FBLN2: variants seen among roughly 807,000 people sequenced by gnomAD.
FBLN2 encodes the protein fibulin-2.
In FBLN2, 81 loss-of-function variants were observed where a neutral mutation model predicts 123.7. The observed-to-expected ratio is 0.65, with a 90% CI of 0.55 to 0.79. The LOEUF (loss-of-function observed/expected upper bound fraction) is 0.79. Among genes scored for constraint, FBLN2 ranks in the 30% least tolerant of loss-of-function variants. The pLI is 0.00. For synonymous variants in FBLN2, 699 were observed against 701.4 expected (o/e 1.00, Z 0.05); for missense variants, 1,603 against 1,681.3 (o/e 0.95, Z 0.81).
At chr3:13,611,619 T>G (rs1705394390) in intron 4 of FBLN2, among the ~76,000 whole-genome samples, 2 of 152,224 alleles carry the variant, frequency 1.3e-5, no homozygotes, top group African/African-American at 4.8e-5. Flanking sequence ...TTCCTTCCTT[T>G]CTGAGGTGCA....
At chr3:13,618,616 G>A (rs1705718880) in intron 6 of FBLN2, among the ~76,000 whole-genome samples, 1 of 152,224 alleles carries the variant, frequency 6.6e-6, no homozygotes, top group South Asian at 2.1e-4. Flanking sequence ...TTTCCTCCCA[G>A]TCACTGGTCC....
intron 2 of FBLN2, among the ~76,000 whole-genome samples, chr3:13,596,493 T>G (rs1261441937): frequency 6.6e-6 from 1 of 152,254 alleles, no homozygotes; most frequent in Non-Finnish European, 1.5e-5. Context: ...ATCAGCAGAT[T>G]AGATCCCTAC....
At chr3:13,580,037 G>A (rs559914761) in intron 2 of FBLN2, among the ~76,000 whole-genome samples, 3 of 152,256 alleles carry the variant, frequency 2.0e-5, no homozygotes, top group Admixed American at 6.5e-5. Context: ...ATGAATGACC[G>A]TGCCATTGCG....
At chr3:13,559,484 C>A (rs2125034729) in intron 1 of FBLN2, among the ~76,000 whole-genome samples, 1 of 152,236 alleles carries the variant, frequency 6.6e-6, no homozygotes, top group Non-Finnish European at 1.5e-5. Context: ...AGCTGTTTGC[C>A]CAGTGTTTTA....
At chr3:13,599,622 G>C (rs539987254) in intron 2 of FBLN2, among the ~76,000 whole-genome samples, 77 of 152,232 alleles carry the variant, frequency 5.1e-4, no homozygotes, top group Middle Eastern at 3.4e-3. Flanking sequence ...GAGGGCAGGA[G>C]GGGGTGGTGG....
rs540413535 is a variant in FBLN2 at position 13,591,237 on chromosome 3, T to C, written c.1307-16825T>C. On this transcript the variant is annotated intron_variant, in intron 2 of 17. Transcript: ENST00000404922. Reference sequence around the variant, plus strand: ...TTTAAAATTAAGTTTCTTTGTCTTATTGATTCATAGGGGTTTTAAAAATAT... The same window carrying C: ...TTTAAAATTAAGTTTCTTTGTCTTACTGATTCATAGGGGTTTTAAAAATAT... Among the ~76,000 whole-genome samples the C allele has an allele frequency of 4.6e-5, 7 of 152,394 alleles. No homozygotes were observed. The South Asian group carries it at 1.4e-3, about 32-fold the overall frequency.
At chr3:13,549,555 C>T (rs1703267558) in intron 1 of FBLN2, among the ~76,000 whole-genome samples, 1 of 151,836 alleles carries the variant, frequency 6.6e-6, no homozygotes, top group Non-Finnish European at 1.5e-5. Flanking sequence ...ACCAGTCATC[C>T]CCTCTGGTCC....
chr3:13,616,403 A>G (rs1705605264), intron 5 of FBLN2, among the ~76,000 whole-genome samples: 1 of 152,242 alleles, frequency 6.6e-6, no homozygotes, highest in Non-Finnish European at 1.5e-5. Context: ...GGGTGAGCTG[A>G]GCCTGAATCC....
rs775241704 is a variant in FBLN2 at position 13,571,150 on chromosome 3, A to C, written c.795A>C (p.Pro265=). The C allele has an allele frequency of 3.9e-6, 6 of 1,555,760 alleles. No homozygotes were observed. The highest frequency in any genetic ancestry group is 4.8e-5 in the East Asian group (2 of 41,248). ...CTGCTGCCCTGGGTCCCCCAGCCCC[A>C]GTGCAGGCCAAAGCTAGGAGAGTGA... ...TAAAALGPPA[P]VQAKARRVTE... The change falls in exon 2 of 18, where the codon CCA becomes CCC. Residue 265 remains proline (P), a synonymous_variant. Coordinates refer to ENST00000404922, the MANE Select transcript of FBLN2 (RefSeq NM_001004019.2).
chr3:13,590,480 G>A (rs561013368), intron 2 of FBLN2, among the ~76,000 whole-genome samples: 66 of 152,046 alleles, frequency 4.3e-4, no homozygotes, highest in African/African-American at 1.5e-3. Flanking sequence ...TGCCCACCAC[G>A]ATGCCTGGCT....
chr3:13,586,664 ATT>A (rs539204519), intron 2 of FBLN2, among the ~76,000 whole-genome samples: 136 of 124,790 alleles, frequency 1.1e-3, no homozygotes, highest in Non-Finnish European at 1.5e-3. Context: ...TGCCCAGCTA[ATT>A]TTTTTTTTTT....
chr3:13,579,267 T>C (rs1704245857), intron 2 of FBLN2, among the ~76,000 whole-genome samples: 1 of 152,210 alleles, frequency 6.6e-6, no homozygotes, highest in East Asian at 1.9e-4. Flanking sequence ...CTCTAGAAAC[T>C]TCTAGAATAC....
intron 2 of FBLN2, among the ~76,000 whole-genome samples, chr3:13,574,129 G>A (rs766266845): frequency 8.5e-5 from 13 of 152,172 alleles, no homozygotes; most frequent in Non-Finnish European, 8.8e-5. Flanking sequence ...GTTGAGGGGC[G>A]TCTGCAGTGG....
chr3:13,549,483 C>T (rs1441888268), intron 1 of FBLN2, among the ~76,000 whole-genome samples: 2 of 151,862 alleles, frequency 1.3e-5, no homozygotes, highest in Admixed American at 6.6e-5. Flanking sequence ...GCGGGTTCCC[C>T]CACCCCAGGT....
At chr3:13,568,004 C>G (rs1347869921) in intron 1 of FBLN2, among the ~76,000 whole-genome samples, 1 of 152,184 alleles carries the variant, frequency 6.6e-6, no homozygotes, top group Non-Finnish European at 1.5e-5. Flanking sequence ...GAGGGCCTCT[C>G]CCTTGCAGTC....
At chr3:13,623,291 G>A (rs1705919046) in intron 9 of FBLN2, among the ~76,000 whole-genome samples, 1 of 152,230 alleles carries the variant, frequency 6.6e-6, no homozygotes, top group Non-Finnish European at 1.5e-5. Flanking sequence ...CCCTCTCGCG[G>A]TGCCTGAGTA....
chr3:13,569,130 C>A, intron 1 of FBLN2: 2 of 887,554 alleles, frequency 2.3e-6, no homozygotes, highest in Non-Finnish European at 2.7e-6. Context: ...GGACTTGGGC[C>A]AGGGTGGAGG....
At chr3:13,569,739 C>T (rs1230443487) in intron 1 of FBLN2, among the ~76,000 whole-genome samples, 1 of 151,966 alleles carries the variant, frequency 6.6e-6, no homozygotes, top group Non-Finnish European at 1.5e-5. Context: ...CTAGCATTTC[C>T]CCACTGACTG....
At chr3:13,564,289 AGTGTCTTGT>A (rs1216964793) in intron 1 of FBLN2, among the ~76,000 whole-genome samples, 2 of 151,938 alleles carry the variant, frequency 1.3e-5, no homozygotes, top group African/African-American at 4.8e-5. Flanking sequence ...CTTGTCTGTG[AGTGTCTTGT>A]GTGTTTATTT....
Sources: gnomAD v4.1 joint callset for allele counts (sites outside exome capture counted in the v4.1 genomes callset) on GRCh38, gnomAD v4.1.1 for gene constraint, MANE v1.5 for transcripts, NCBI Gene and HGNC (gene_info 2026-07-23, HGNC 2026-07-21) for gene names.